Variants in TRIM54 observed in about 807,000 individuals in gnomAD.
TRIM54 encodes the protein tripartite motif-containing protein 54.
Under a neutral mutation model 42.0 loss-of-function variants are expected in TRIM54, and 40 were observed. The ratio of observed to expected loss-of-function variants is 0.95; its 90% CI spans 0.74 to 1.24. The LOEUF is 1.24. TRIM54 is among the 50% of genes most tolerant of loss of function. The probability of loss-of-function intolerance (pLI) is 0.00; values close to 1 mark genes in which losing one functional copy is unlikely to be tolerated. For missense variants in TRIM54, 485 were observed against 480.3 expected (o/e 1.01, Z -0.09); for synonymous variants, 199 against 194.9 (o/e 1.02, Z -0.17).
At chr2:27,297,980 CAAAAAAAAAAAAA>C (rs60106105) in intron 1 of TRIM54, among the ~76,000 whole-genome samples, 1 of 56,884 alleles carries the variant, frequency 1.8e-5, no homozygotes, top group Admixed American at 2.3e-4. Flanking sequence ...GAACCTGTCT[CAAAAAAAAAAAAA>C]AAAAAAAAGG....
At chr2:27,305,907 C>T (rs1433880852) in intron 5 of TRIM54, 90 bp downstream of exon 5, 10 of 1,371,042 alleles carry the variant, frequency 7.3e-6, no homozygotes, top group Non-Finnish European at 1.0e-5. Context: ...TTGTCTCTTG[C>T]ACCTGCTTGC....
chr2:27,307,399 C>A lies in TRIM54; in HGVS notation c.*514C>A. 1 of 1,452,866 alleles carries A rather than the reference C, an allele frequency of 6.9e-7. No individual in the cohort carries two copies. The allele number at this position is 1,452,866 out of a possible 1,614,324, so 90.0% of individuals were successfully genotyped here. On this transcript the variant is annotated 3_prime_UTR_variant, in exon 9 of 9. Transcript: ENST00000380075. This position sits in a 1 kb window ranked among gnomAD's most constrained non-coding sequence, Gnocchi z 6.9. ...GCCCTGCCTCTACGACAAAAGCCAA[C>A]GGGTCTTCAGTACTTTTATTAAAAA...
rs367621533 is a variant in TRIM54, at chr2:27,283,784, G to GCGCGCACACACA, written c.168+886_168+887insGCGCACACACAC. ...CAAAGGCACACACACACACACGCGC[G>GCGCGCACACACA]CACACACACACACACACACACACAC... On this transcript the variant is annotated intron_variant, in intron 1 of 8. Coordinates refer to ENST00000380075, the MANE Select transcript of TRIM54 (RefSeq NM_187841.3). Among the ~76,000 whole-genome samples, 398 of 132,188 alleles carry GCGCGCACACACA rather than the reference G, an allele frequency of 3.0e-3. 3 individuals carry two copies. The highest frequency in any genetic ancestry group is 9.8e-3 in the African/African-American group (323 of 32,928). 86.7% of individuals were successfully genotyped at this position (132,188 alleles called of 152,430 possible).
chr2:27,284,883 G>A lies in TRIM54; in HGVS notation c.168+1984G>A, dbSNP rs572549682. Among the ~76,000 whole-genome samples the A allele has an allele frequency of 7.2e-5, 11 of 152,242 alleles. 1 individual carries two copies. The highest frequency in any genetic ancestry group is 7.2e-4 in the Admixed American group (11 of 15,294). On this transcript the variant is annotated intron_variant, in intron 1 of 8. Transcript: ENST00000380075. ...AGAGGAATAGGCCCCATACATGGAG[G>A]CTAGAATGTGTTTAAGTGACCTGCT...
In TRIM54 at chr2:27,306,331, C is replaced by G; in HGVS notation, c.985C>G (p.Gln329Glu). The G allele has an allele frequency of 6.2e-7, 1 of 1,614,118 alleles. No individual in the cohort carries two copies. The highest frequency in any genetic ancestry group is 8.5e-7 in the Non-Finnish European group (1 of 1,179,976). ...CGAAATGCTGCGGACCATCGACTTC[C>G]AGCCAGGTGAAGGAGGTGGCCGAGG... ...VAEMLRTIDFQPGASGEEEEV... is the reference protein window; with the variant it reads ...VAEMLRTIDFEPGASGEEEEV... The change falls in exon 7 of 9, where the codon CAG becomes GAG. Residue 329 changes from glutamine (Q) to glutamate (E), a missense_variant. Gln to Glu is a conservative substitution (Grantham distance 29). Coordinates refer to ENST00000380075, the MANE Select transcript of TRIM54 (RefSeq NM_187841.3). This position sits in a 1 kb window ranked among gnomAD's most constrained non-coding sequence, Gnocchi z 6.1.
At chr2:27,284,507 C>T (rs1558581372) in intron 1 of TRIM54, among the ~76,000 whole-genome samples, 1 of 151,926 alleles carries the variant, frequency 6.6e-6, no homozygotes. Context: ...TGCCATTATT[C>T]AGCTCCAGAG....
At chr2:27,291,823 T>C (rs1404806667) in intron 1 of TRIM54, among the ~76,000 whole-genome samples, 1 of 152,148 alleles carries the variant, frequency 6.6e-6, no homozygotes, top group East Asian at 1.9e-4. Flanking sequence ...GACGGAGATA[T>C]GGCAGGAGAA....
At chr2:27,301,450 T>C (rs1354201094) in intron 3 of TRIM54, among the ~76,000 whole-genome samples, 1 of 152,102 alleles carries the variant, frequency 6.6e-6, no homozygotes, top group Non-Finnish European at 1.5e-5. Context: ...TGGTTGCCCA[T>C]TTTTGTGGTT....
At chr2:27,294,634 G>C (rs113908184) in intron 1 of TRIM54, among the ~76,000 whole-genome samples, 1 of 152,046 alleles carries the variant, frequency 6.6e-6, no homozygotes, top group Non-Finnish European at 1.5e-5. Context: ...GCTCACGCCT[G>C]TAATCCCAGC....
At position 27,305,588 on chromosome 2, in the gene TRIM54, A is replaced by G. The variant is rs1302866708; in HGVS notation, c.614A>G (p.Asn205Ser). 1.8e-5 allele frequency: 29 copies of G among 1,612,498 alleles called. No individual in the cohort carries two copies. In the Admixed American group the frequency reaches 3.3e-4, roughly 19 times the overall value. The change falls in exon 5 of 9, where the codon AAT (asparagine) becomes AGT (serine). Residue 205 changes from asparagine (N) to serine (S), a missense_variant. Coordinates refer to ENST00000380075, the MANE Select transcript of TRIM54 (RefSeq NM_187841.3). ...MEEVCQTIED[N>S]SRRQKQLLNQ... ...TCCTTGCTCCCCATCTTTTAGGACA[A>G]TAGCCGGAGGCAGAAGCAGTTGTTA...
intron 1 of TRIM54, among the ~76,000 whole-genome samples, chr2:27,297,212 T>C (rs1678890236): frequency 6.6e-6 from 1 of 152,230 alleles, no homozygotes; most frequent in African/African-American, 2.4e-5. Context: ...GCCTTCTCTG[T>C]TCAGTTTCTG....
intron 2 of TRIM54, 149 bp downstream of exon 2, chr2:27,298,888 C>T: frequency 2.3e-6 from 2 of 852,982 alleles, no homozygotes; most frequent in Non-Finnish European, 3.6e-6. Flanking sequence ...GGACTTGCCT[C>T]AGGCCTCCCA....
In TRIM54 at chr2:27,306,402, C is replaced by A; in HGVS notation, c.992-54C>A. On this transcript the variant is annotated intron_variant, in intron 7 of 8. Coordinates refer to ENST00000380075, the MANE Select transcript of TRIM54 (RefSeq NM_187841.3). The surrounding 1 kb of genome is among the most constrained non-coding windows in gnomAD (Gnocchi z 6.1). Reference sequence around the variant, plus strand: ...CCCTCTGTGTGGGGGGTGCGGCGGGCACGATGGCCGTAAAGGCAGGGACTC... The same window carrying A: ...CCCTCTGTGTGGGGGGTGCGGCGGGAACGATGGCCGTAAAGGCAGGGACTC... 1 of 1,612,558 alleles carries A rather than the reference C, an allele frequency of 6.2e-7. No homozygotes were observed. Among genetic ancestry groups the A allele is most frequent in the Non-Finnish European group, 8.5e-7 (1 of 1,179,306 alleles).
chr2:27,283,662 A>G (rs1456077798), intron 1 of TRIM54, among the ~76,000 whole-genome samples: 3 of 151,810 alleles, frequency 2.0e-5, no homozygotes, highest in East Asian at 3.9e-4. Context: ...AGCATATACC[A>G]GAATGGATTA....
intron 1 of TRIM54, among the ~76,000 whole-genome samples, chr2:27,285,561 A>T (rs1678534364): frequency 6.6e-6 from 1 of 152,238 alleles, no homozygotes; most frequent in South Asian, 2.1e-4. Flanking sequence ...ACCAGATAGA[A>T]GTAACTATTA....
Position 27,283,681 on chromosome 2 carries a change from C to G in TRIM54, c.168+782C>G, listed in dbSNP as rs1242094754. On this transcript the variant is annotated intron_variant, in intron 1 of 8. Transcript: ENST00000380075. ...TATACCAGAATGGATTATAAGTGGG[C>G]TTTTTTTTTTTTTCCTGTGCTACTG... Among the ~76,000 whole-genome samples, 3 of 139,576 alleles carry G rather than the reference C, an allele frequency of 2.1e-5. No individual in the cohort carries two copies. The East Asian group carries it at 6.1e-4, about 29-fold the overall frequency. 91.6% of individuals were successfully genotyped at this position (139,576 alleles called of 152,430 possible). A position where few individuals can be genotyped will look rare whatever the true frequency, so the allele number is the denominator to read the frequency against.
At position 27,306,381 on chromosome 2, in the gene TRIM54, CTGTG is replaced by C; in HGVS notation, c.991+47_991+50del. On this transcript the variant is annotated intron_variant, in intron 7 of 8. Coordinates refer to ENST00000380075, the MANE Select transcript of TRIM54 (RefSeq NM_187841.3). This position sits in a 1 kb window ranked among gnomAD's most constrained non-coding sequence, Gnocchi z 6.1. ...GGCCGCTGAGACGGGTTCGGACCCT[CTGTG>C]TGGGGGGTGCGGCGGGCACGATGGC... is the stretch of plus-strand genomic sequence containing the variant. 6.2e-7 allele frequency: 1 copy of C among 1,613,736 alleles called. No individual in the cohort carries two copies. Among genetic ancestry groups the C allele is most frequent in the Non-Finnish European group, 8.5e-7 (1 of 1,179,818 alleles).
At position 27,305,682 on chromosome 2, in the gene TRIM54, C is replaced by A. The variant is rs1472428384; in HGVS notation, c.708C>A (p.Ala236=). The change falls in exon 5 of 9, where the codon GCC becomes GCA. Residue 236 remains alanine, a synonymous_variant. Transcript: ENST00000380075. ...ERKGELLQAL[A]REQEEKLQRV... ...AGGGTGAGCTGCTGCAGGCGCTGGC[C>A]CGGGAGCAAGAGGAGAAGCTGCAGC... The A allele has an allele frequency of 6.2e-7, 1 of 1,613,184 alleles. No individual in the cohort carries two copies. Among genetic ancestry groups the A allele is most frequent in the South Asian group, 1.1e-5 (1 of 90,890 alleles).
intron 3 of TRIM54, among the ~76,000 whole-genome samples, chr2:27,300,301 A>C (rs895269817): frequency 3.9e-5 from 6 of 151,996 alleles, no homozygotes; most frequent in African/African-American, 7.3e-5. Flanking sequence ...CCTCCAGAGT[A>C]GCTGGGATTA....
Sources: gnomAD v4.1 joint callset for allele counts (sites outside exome capture counted in the v4.1 genomes callset) on GRCh38, gnomAD v4.1.1 for gene constraint, Gnocchi (gnomAD v3.1) non-coding constraint, MANE v1.5 for transcripts, NCBI Gene and HGNC (gene_info 2026-07-23, HGNC 2026-07-21) for gene names.